Variants in OPCML observed in about 807,000 individuals in gnomAD.
OPCML encodes opioid binding protein/cell adhesion molecule like, also known as opioid-binding protein/cell adhesion molecule.
A neutral mutation model predicts 37.8 loss-of-function variants in OPCML; 13 were observed. The observed-to-expected ratio is 0.34, with a 90% confidence interval of 0.22 to 0.55. OPCML has a LOEUF of 0.55. Ranked by LOEUF, OPCML falls within the 20% of genes least tolerant of loss-of-function variation. The probability of loss-of-function intolerance (pLI) is 0.91; values close to 1 mark genes in which losing one functional copy is unlikely to be tolerated. For synonymous variants in OPCML, 176 were observed against 168.8 expected (o/e 1.04, Z -0.33); for missense variants, 341 against 435.6 (o/e 0.78, Z 1.93).
chr11:132,724,868 C>T (rs1944820233), intron 2 of OPCML, among the ~76,000 whole-genome samples: 1 of 152,212 alleles, frequency 6.6e-6, no homozygotes, highest in African/African-American at 2.4e-5. Context: ...CCAAAATGAT[C>T]TCCTTTGACT....
At chr11:133,036,195 T>C (rs1258557701) in intron 1 of OPCML, among the ~76,000 whole-genome samples, 1 of 152,288 alleles carries the variant, frequency 6.6e-6, no homozygotes, top group African/African-American at 2.4e-5. Context: ...GATGGTTGCT[T>C]TAAAGGGTTG....
At chr11:133,115,971 A>AAT (rs5795818) in intron 1 of OPCML, among the ~76,000 whole-genome samples, 70,776 of 150,956 alleles carry the variant, frequency 0.47, 16,914 homozygotes, top group Middle Eastern at 0.58. Flanking sequence ...CATTATTATT[A>AAT]ATATATATAT....
intron 1 of OPCML, among the ~76,000 whole-genome samples, chr11:133,189,701 C>T (rs1421828914): frequency 6.6e-6 from 1 of 152,138 alleles, no homozygotes; most frequent in African/African-American, 2.4e-5. Flanking sequence ...CTGCTGGCCA[C>T]TTTATCACAT....
intron 1 of OPCML, among the ~76,000 whole-genome samples, chr11:133,171,618 C>G (rs1182181796): frequency 1.3e-5 from 2 of 152,192 alleles, no homozygotes; most frequent in African/African-American, 4.8e-5. Flanking sequence ...GTGTCTGATG[C>G]CGGGTTGTCT....
At chr11:133,141,051 A>AGACGAAGAC (rs1475412006) in intron 1 of OPCML, among the ~76,000 whole-genome samples, 10 of 53,642 alleles carry the variant, frequency 1.9e-4, no homozygotes, top group African/African-American at 4.9e-4. Context: ...ACGACGACGA[A>AGACGAAGAC]GAAGAAGAAG....
chr11:132,770,927 A>G (rs1280107795), intron 2 of OPCML, among the ~76,000 whole-genome samples: 2 of 152,194 alleles, frequency 1.3e-5, no homozygotes, highest in Admixed American at 6.5e-5. Context: ...TTGATAGACC[A>G]TATGGTCTGG....
intron 1 of OPCML, among the ~76,000 whole-genome samples, chr11:133,453,154 A>C (rs573267861): frequency 7.2e-5 from 11 of 152,340 alleles, no homozygotes; most frequent in African/African-American, 2.2e-4. Context: ...AAAACAATTC[A>C]TATTACACCA....
intron 2 of OPCML, among the ~76,000 whole-genome samples, chr11:132,784,733 C>T (rs545426193): frequency 6.6e-6 from 1 of 152,204 alleles, no homozygotes; most frequent in East Asian, 1.9e-4. Flanking sequence ...TCTATTAGAC[C>T]TCACATGAGA....
At chr11:133,187,564 T>C (rs1938137711) in intron 1 of OPCML, among the ~76,000 whole-genome samples, 1 of 152,142 alleles carries the variant, frequency 6.6e-6, no homozygotes, top group Non-Finnish European at 1.5e-5. Context: ...GCGCAACTTC[T>C]ACCTTTCTGC....
At chr11:132,651,265 C>A (rs1941414435) in intron 3 of OPCML, among the ~76,000 whole-genome samples, 1 of 152,184 alleles carries the variant, frequency 6.6e-6, no homozygotes, top group Non-Finnish European at 1.5e-5. Flanking sequence ...GTTGCTTTGC[C>A]ACTTCCTCGC....
At chr11:133,291,023 A>T (rs1942458593) in intron 1 of OPCML, among the ~76,000 whole-genome samples, 1 of 152,220 alleles carries the variant, frequency 6.6e-6, no homozygotes, top group African/African-American at 2.4e-5. Context: ...TCTGGGAAAG[A>T]ATATTTCTTA....
chr11:132,471,411 C>G (rs1565590413), intron 4 of OPCML, among the ~76,000 whole-genome samples: 1 of 152,208 alleles, frequency 6.6e-6, no homozygotes, highest in African/African-American at 2.4e-5. Flanking sequence ...TTTGTTGTCT[C>G]TCATGGTGTC....
intron 2 of OPCML, among the ~76,000 whole-genome samples, chr11:132,885,876 A>G (rs1943391599): frequency 6.6e-6 from 1 of 152,136 alleles, no homozygotes; most frequent in Non-Finnish European, 1.5e-5. Flanking sequence ...CCAGTTAACC[A>G]CTTCATCGTT....
At chr11:132,565,455 A>T (rs912834706) in intron 3 of OPCML, among the ~76,000 whole-genome samples, 1 of 152,108 alleles carries the variant, frequency 6.6e-6, no homozygotes, top group Non-Finnish European at 1.5e-5. Flanking sequence ...GCATGAATGG[A>T]CCCACAGGGA....
intron 2 of OPCML, among the ~76,000 whole-genome samples, chr11:132,829,901 A>G (rs1208590018): frequency 2.6e-5 from 4 of 152,172 alleles, no homozygotes; most frequent in African/African-American, 9.7e-5. Flanking sequence ...CTGTGTATTA[A>G]TAATATACTT....
intron 3 of OPCML, among the ~76,000 whole-genome samples, chr11:132,545,967 G>C (rs1591532336): frequency 6.6e-6 from 1 of 152,310 alleles, no homozygotes; most frequent in East Asian, 1.9e-4. Flanking sequence ...GTATTTTGAT[G>C]ATTGCTGATA....
intron 1 of OPCML, among the ~76,000 whole-genome samples, chr11:133,430,485 T>C (rs1946093969): frequency 1.3e-5 from 2 of 152,018 alleles, no homozygotes; most frequent in South Asian, 2.1e-4. Context: ...ACAGACAATA[T>C]AGGTGAATAA....
In OPCML at chr11:132,430,344, G is replaced by A. The variant is rs180908634; in HGVS notation, c.916+5742C>T. Among the ~76,000 whole-genome samples, 259 of 152,328 alleles carry A rather than the reference G, an allele frequency of 1.7e-3. 5 individuals are homozygous for A. Among genetic ancestry groups the A allele is most frequent in the Admixed American group, 0.015 (222 of 15,310 alleles). ...GCGGCGATGAGGGCTCTGCCCATGG[G>A]TGGGATGGTTTCCCATGAGAAGGAG... On this transcript the variant is annotated intron_variant, in intron 7 of 7. Transcript: ENST00000524381.
At chr11:132,886,257 G>C (rs749835289) in intron 2 of OPCML, among the ~76,000 whole-genome samples, 4 of 151,874 alleles carry the variant, frequency 2.6e-5, no homozygotes, top group Non-Finnish European at 5.9e-5. Flanking sequence ...ATTATCAGTC[G>C]TTAAATAACA....
Sources: gnomAD v4.1 joint callset for allele counts (sites outside exome capture counted in the v4.1 genomes callset) on GRCh38, gnomAD v4.1.1 for gene constraint, MANE v1.5 for transcripts, NCBI Gene and HGNC (gene_info 2026-07-23, HGNC 2026-07-21) for gene names.